The following MYO16 variants were observed in gnomAD, a reference collection of about 807,000 sequenced individuals.
MYO16 encodes the protein unconventional myosin-XVI.
A neutral mutation model predicts 205.3 loss-of-function variants in MYO16; 94 were observed. The ratio of observed to expected loss-of-function variants is 0.46; its 90% CI spans 0.39 to 0.54. The LOEUF (loss-of-function observed/expected upper bound fraction) is 0.54, where lower values mean the gene tolerates loss of function less well. Ranked by LOEUF, MYO16 falls within the 20% of genes least tolerant of loss-of-function variation. The pLI, the probability that MYO16 is intolerant of heterozygous loss-of-function variation, is 0.00. For synonymous variants in MYO16, 988 were observed against 954.0 expected (o/e 1.04, Z -0.66); for missense variants, 2,315 against 2,387.5 (o/e 0.97, Z 0.63).
chr13:108,589,764 G>A, the MYO16 span, among the ~76,000 whole-genome samples: 1 of 152,076 alleles, frequency 6.6e-6, no homozygotes, highest in African/African-American at 2.4e-5. Flanking sequence ...GAGACCATTA[G>A]CAAATGTTTC....
intron 22 of MYO16, among the ~76,000 whole-genome samples, chr13:109,013,702 T>C (rs1429621130): frequency 6.6e-6 from 1 of 152,244 alleles, no homozygotes; most frequent in African/African-American, 2.4e-5. Flanking sequence ...TGATTTGCAT[T>C]TCTCTGATGA....
At chr13:108,629,572 C>G, upstream of MYO16, 3 of 385,354 alleles carry the variant, frequency 7.8e-6, no homozygotes, top group Non-Finnish European at 1.4e-5. Context: ...TTGTGGTACT[C>G]GGGGCTGTGT....
chr13:108,571,409 A>G, the MYO16 span, among the ~76,000 whole-genome samples: 11 of 152,286 alleles, frequency 7.2e-5, no homozygotes, highest in Admixed American at 7.2e-4. Flanking sequence ...TTATGTCATG[A>G]TGTTGATAAC....
At chr13:109,035,802 C>T (rs1206333283) in intron 23 of MYO16, among the ~76,000 whole-genome samples, 1 of 152,234 alleles carries the variant, frequency 6.6e-6, no homozygotes, top group African/African-American at 2.4e-5. Context: ...AACAGAGCAT[C>T]CTAAGCTCCT....
chr13:108,908,584 A>C (rs1456606617), intron 15 of MYO16, among the ~76,000 whole-genome samples: 2 of 152,168 alleles, frequency 1.3e-5, no homozygotes, highest in African/African-American at 4.8e-5. Flanking sequence ...TGCCTTTCTA[A>C]GAACTGCCAT....
At chr13:108,640,687 A>G (rs1158476356) in intron 1 of MYO16, among the ~76,000 whole-genome samples, 1 of 152,032 alleles carries the variant, frequency 6.6e-6, no homozygotes, top group Non-Finnish European at 1.5e-5. Context: ...GTATTTACAG[A>G]GTGAACCAAA....
At chr13:108,844,923 C>T (rs867526372) in intron 10 of MYO16, among the ~76,000 whole-genome samples, 1 of 151,872 alleles carries the variant, frequency 6.6e-6, no homozygotes, top group African/African-American at 2.4e-5. Context: ...TGTATCTGTA[C>T]GTGTCTGTGT....
chr13:108,498,476 C>T, the MYO16 span, among the ~76,000 whole-genome samples: 1 of 152,056 alleles, frequency 6.6e-6, no homozygotes, highest in Non-Finnish European at 1.5e-5. Context: ...AGACGTAATG[C>T]CTCTCTCTCC....
intron 33 of MYO16, among the ~76,000 whole-genome samples, chr13:109,168,979 T>C (rs1369431737): frequency 6.6e-6 from 1 of 152,158 alleles, no homozygotes; most frequent in Admixed American, 6.5e-5. Context: ...GTATATATTG[T>C]CCTGATTAAG....
At chr13:108,635,127 T>C (rs1327976795) in intron 1 of MYO16, among the ~76,000 whole-genome samples, 1 of 152,204 alleles carries the variant, frequency 6.6e-6, no homozygotes, top group Non-Finnish European at 1.5e-5. Context: ...GCAGTAACAT[T>C]GAATCAAATG....
intron 24 of MYO16, among the ~76,000 whole-genome samples, chr13:109,049,305 T>G (rs1053143915): frequency 1.3e-5 from 2 of 152,084 alleles, no homozygotes; most frequent in Non-Finnish European, 2.9e-5. Context: ...GTTCCTTTGC[T>G]CGGTTTTAAG....
chr13:109,039,127 C>A (rs535517716), intron 23 of MYO16, among the ~76,000 whole-genome samples: 1 of 152,318 alleles, frequency 6.6e-6, no homozygotes, highest in Admixed American at 6.5e-5. Context: ...AGGATTCATT[C>A]TTCTTGCATA....
At chr13:108,571,499 G>A in the MYO16 span, among the ~76,000 whole-genome samples, 1 of 152,102 alleles carries the variant, frequency 6.6e-6, no homozygotes, top group Non-Finnish European at 1.5e-5. Flanking sequence ...TTCATTAGTT[G>A]TATACCAATA....
chr13:108,640,519 G>A (rs1266028532), intron 1 of MYO16, among the ~76,000 whole-genome samples: 7 of 152,094 alleles, frequency 4.6e-5, no homozygotes, highest in African/African-American at 1.2e-4. Context: ...TCATTTTTTT[G>A]GAGAGGAAAC....
intron 33 of MYO16, among the ~76,000 whole-genome samples, chr13:109,168,548 A>AC (rs1878790149): frequency 6.6e-6 from 1 of 151,838 alleles, no homozygotes; most frequent in South Asian, 2.1e-4. Flanking sequence ...ACATGGTGAA[A>AC]CCCCCATCTC....
At chr13:108,599,964 C>T (rs991873499) in intron 1 of MYO16, among the ~76,000 whole-genome samples, 19 of 152,274 alleles carry the variant, frequency 1.2e-4, no homozygotes, top group African/African-American at 4.1e-4. Context: ...TTCAATTCCA[C>T]GTCCAGTAAT....
At chr13:108,747,528 A>G (rs7988170) in intron 4 of MYO16, among the ~76,000 whole-genome samples, 68,176 of 151,900 alleles carry the variant, frequency 0.45, 15,436 homozygotes, top group East Asian at 0.55. Flanking sequence ...AAATTTTTCA[A>G]AAGTATAATT....
chr13:108,801,398 T>A (rs1886964992), intron 6 of MYO16, among the ~76,000 whole-genome samples: 1 of 152,218 alleles, frequency 6.6e-6, no homozygotes, highest in Non-Finnish European at 1.5e-5. Flanking sequence ...CATGGCAGCA[T>A]GCCACAGGAA....
At chr13:108,893,598 G>C (rs1419017868) in intron 14 of MYO16, among the ~76,000 whole-genome samples, 1 of 152,160 alleles carries the variant, frequency 6.6e-6, no homozygotes, top group Non-Finnish European at 1.5e-5. Flanking sequence ...CTATCTAGTA[G>C]AAAGTTTGAG....
Sources: allele counts gnomAD v4.1 joint callset (sites outside exome capture counted in the v4.1 genomes callset), GRCh38; gene constraint gnomAD v4.1.1; transcripts MANE v1.5; gene names NCBI Gene and HGNC (gene_info 2026-07-23, HGNC 2026-07-21).